The following NPAS3 variants were observed in gnomAD, a reference collection of about 807,000 sequenced individuals.
NPAS3 encodes neuronal PAS domain-containing protein 3.
A neutral mutation model predicts 73.1 loss-of-function variants in NPAS3; 14 were observed. That is an observed-to-expected ratio of 0.19 (90% confidence interval 0.13 to 0.30). NPAS3 has a LOEUF of 0.30. Among genes scored for constraint, NPAS3 ranks in the 10% least tolerant of loss-of-function variants. NPAS3 has a pLI of 1.00. For synonymous variants in NPAS3, 620 were observed against 541.5 expected, an observed-to-expected ratio of 1.14 and a Z score of -2.01; for missense variants, 1,096 against 1,250.0, an observed-to-expected ratio of 0.88 and a Z score of 1.86.
intron 3 of NPAS3, among the ~76,000 whole-genome samples, chr14:33,311,802 G>T (rs190916933): frequency 2.0e-5 from 3 of 152,212 alleles, no homozygotes; most frequent in Admixed American, 2.0e-4. Flanking sequence ...GTGTAACTTG[G>T]CCTGAGAATG....
chr14:33,048,367 G>A (rs774430844), intron 1 of NPAS3, among the ~76,000 whole-genome samples: 24 of 152,140 alleles, frequency 1.6e-4, no homozygotes, highest in African/African-American at 4.6e-4. Context: ...CACTTACTAC[G>A]GTGTAGCCCT....
At chr14:33,022,534 G>A (rs1334570292) in intron 1 of NPAS3, among the ~76,000 whole-genome samples, 3 of 151,888 alleles carry the variant, frequency 2.0e-5, no homozygotes, top group South Asian at 2.1e-4. Flanking sequence ...GCGTGGTGGC[G>A]GGAGCCTGTA....
rs1349658888 is a variant in NPAS3 at position 33,800,270 on chromosome 14, C to T, written c.1963C>T (p.Pro655Ser). The T allele has an allele frequency of 1.2e-6, 2 of 1,613,462 alleles. No homozygotes were observed. The highest frequency in any genetic ancestry group is 1.7e-6 in the Non-Finnish European group (2 of 1,179,678). ...CAAGATCAAGACGGAGATCTCAGAA[C>T]CCATCAATTTCGACAATGACAGCAG... The change falls in exon 12 of 12, where the codon CCC becomes TCC. Residue 655 changes from proline to serine, a missense_variant. By Grantham distance (74) the Pro-to-Ser change is moderately conservative. Coordinates refer to ENST00000356141, the Ensembl canonical transcript of NPAS3. This position sits in a 1 kb window ranked among gnomAD's most constrained non-coding sequence, Gnocchi z 6.5.
At chr14:33,084,594 C>T (rs1281881925) in intron 2 of NPAS3, among the ~76,000 whole-genome samples, 1 of 152,068 alleles carries the variant, frequency 6.6e-6, no homozygotes, top group East Asian at 1.9e-4. Context: ...TGAAAATTTC[C>T]TTGACACTCT....
At chr14:33,766,294 C>G (rs2062461103) in intron 7 of NPAS3, among the ~76,000 whole-genome samples, 1 of 152,170 alleles carries the variant, frequency 6.6e-6, no homozygotes, top group Non-Finnish European at 1.5e-5. Context: ...TCAGATCTGT[C>G]CATTTCCTGA....
chr14:33,138,618 T>C (rs941216707), intron 2 of NPAS3, among the ~76,000 whole-genome samples: 1 of 152,164 alleles, frequency 6.6e-6, no homozygotes, highest in African/African-American at 2.4e-5. Flanking sequence ...TATGTATAAA[T>C]AGAGTCTTCC....
At chr14:32,990,428 G>T (rs1455979376) in intron 1 of NPAS3, among the ~76,000 whole-genome samples, 4 of 152,138 alleles carry the variant, frequency 2.6e-5, no homozygotes, top group African/African-American at 9.7e-5. Flanking sequence ...AAATTTTCCA[G>T]ATAGGTTGAT....
At chr14:32,948,423 G>C (rs1375169669) in intron 1 of NPAS3, among the ~76,000 whole-genome samples, 15 of 152,052 alleles carry the variant, frequency 9.9e-5, no homozygotes, top group Admixed American at 9.2e-4. Context: ...GTATGTAGCA[G>C]ACATTAAAAA....
intron 2 of NPAS3, among the ~76,000 whole-genome samples, chr14:33,134,172 G>A (rs1276925185): frequency 6.6e-6 from 1 of 151,262 alleles, no homozygotes; most frequent in East Asian, 1.9e-4. Context: ...GAATTTTTGG[G>A]TGATTTTCTT....
rs1044221147 is a variant in NPAS3, at chr14:33,087,735, A to G, written c.140+31741A>G. Among the ~76,000 whole-genome samples the G allele has an allele frequency of 2.6e-5, 4 of 152,288 alleles. No homozygotes were observed. The South Asian group carries it at 6.2e-4, about 24-fold the overall frequency. ...ATACTCTTCAAGCAAAGGGCATCTC[A>G]TTGAATAGAGAGTGAAAATTCTGGT... is the stretch of plus-strand genomic sequence containing the variant. On this transcript the variant is annotated intron_variant, in intron 2 of 11. Coordinates refer to ENST00000356141, the Ensembl canonical transcript of NPAS3.
chr14:33,295,629 A>G (rs1055849204), intron 3 of NPAS3, among the ~76,000 whole-genome samples: 1 of 152,234 alleles, frequency 6.6e-6, no homozygotes, highest in Non-Finnish European at 1.5e-5. Flanking sequence ...CTAAGTGAGT[A>G]TCGCTCCCTG....
chr14:33,136,206 G>T (rs1301795034), intron 2 of NPAS3, among the ~76,000 whole-genome samples: 1 of 151,540 alleles, frequency 6.6e-6, no homozygotes, highest in Admixed American at 6.6e-5. Context: ...GACTACAGGC[G>T]CACACCACCA....
At chr14:33,344,079 G>T (rs79563023) in intron 3 of NPAS3, among the ~76,000 whole-genome samples, 222 of 152,254 alleles carry the variant, frequency 1.5e-3, no homozygotes, top group Middle Eastern at 3.4e-3. Context: ...AAATATGGGG[G>T]GATGAAATTA....
chr14:33,129,748 G>T (rs930385137), intron 2 of NPAS3, among the ~76,000 whole-genome samples: 1 of 152,142 alleles, frequency 6.6e-6, no homozygotes, highest in Non-Finnish European at 1.5e-5. Flanking sequence ...AGGATCCCAT[G>T]TTCAGAGGTA....
intron 9 of NPAS3, among the ~76,000 whole-genome samples, chr14:33,782,927 T>C (rs2138542403): frequency 6.6e-6 from 1 of 152,292 alleles, no homozygotes; most frequent in Admixed American, 6.5e-5. Context: ...ATGCATTCCA[T>C]GCTGTTTTGC....
intron 2 of NPAS3, among the ~76,000 whole-genome samples, chr14:33,211,700 G>GATAC (rs1054022852): frequency 6.6e-6 from 1 of 152,118 alleles, no homozygotes; most frequent in African/African-American, 2.4e-5. Context: ...ATAATATCCA[G>GATAC]ATACATACAT....
intron 2 of NPAS3, among the ~76,000 whole-genome samples, chr14:33,079,325 C>CTTTTTTTTTTTTTTTTTTTTTTTTTT (rs772885846): frequency 7.6e-6 from 1 of 132,300 alleles, no homozygotes; most frequent in Non-Finnish European, 1.6e-5. Context: ...TTTCTTTTTC[C>CTTTTTTTTTTTTTTTTTTTTTTTTTT]TTTTTTTTTT....
intron 3 of NPAS3, among the ~76,000 whole-genome samples, chr14:33,274,434 C>G (rs747286847): frequency 6.6e-6 from 1 of 152,148 alleles, no homozygotes; most frequent in Non-Finnish European, 1.5e-5. Flanking sequence ...TAACTGCCTG[C>G]CATCCTAATT....
chr14:32,948,329 C>T (rs982886203), intron 1 of NPAS3, among the ~76,000 whole-genome samples: 2 of 151,972 alleles, frequency 1.3e-5, no homozygotes, highest in African/African-American at 4.8e-5. Flanking sequence ...ATATTGCATC[C>T]TAATCTTAGA....
Sources: gnomAD v4.1 joint callset for allele counts (sites outside exome capture counted in the v4.1 genomes callset) on GRCh38, gnomAD v4.1.1 for gene constraint, Gnocchi (gnomAD v3.1) non-coding constraint, MANE v1.5 for transcripts, NCBI Gene and HGNC (gene_info 2026-07-23, HGNC 2026-07-21) for gene names.